The following DOK6 variants were observed in gnomAD, a reference collection of about 807,000 sequenced individuals.
DOK6 encodes downstream of tyrosine kinase 6.
Under a neutral mutation model 44.0 loss-of-function variants are expected in DOK6, and 22 were observed. That is an observed-to-expected ratio of 0.50 (90% CI 0.36 to 0.71). The LOEUF is 0.71. Ranked by LOEUF, DOK6 falls within the 30% of genes least tolerant of loss-of-function variation. The pLI is 0.00. For missense variants in DOK6, 340 were observed against 416.4 expected, an observed-to-expected ratio of 0.82 and a Z score of 1.60; for synonymous variants, 166 against 145.5, an observed-to-expected ratio of 1.14 and a Z score of -1.01.
chr18:69,710,055 T>G (rs1406156339), intron 5 of DOK6, among the ~76,000 whole-genome samples: 1 of 152,154 alleles, frequency 6.6e-6, no homozygotes, highest in Non-Finnish European at 1.5e-5. Context: ...GGTGTGCACC[T>G]TTAGTCCCAG....
At chr18:69,708,065 G>C (rs1297521154) in intron 5 of DOK6, among the ~76,000 whole-genome samples, 1 of 152,124 alleles carries the variant, frequency 6.6e-6, no homozygotes, top group Admixed American at 6.5e-5. Context: ...TGGGCAGAGA[G>C]TTTGTTAAAA....
In DOK6 at chr18:69,452,291, G is replaced by A. The variant is rs1434605371; in HGVS notation, c.66+50981G>A. Among the ~76,000 whole-genome samples, 3 of 150,958 alleles carry A rather than the reference G, an allele frequency of 2.0e-5. No homozygotes were observed. In the East Asian group the frequency reaches 5.9e-4, roughly 30 times the overall value. ...CAGAGAATACTACAAACACCTCTAC[G>A]CAAATAAACTAGAAAATCTAGAAGA... On this transcript the variant is annotated intron_variant, in intron 1 of 7. Transcript: ENST00000382713.
intron 3 of DOK6, among the ~76,000 whole-genome samples, chr18:69,674,101 T>G (rs1055439890): frequency 6.6e-6 from 1 of 151,970 alleles, no homozygotes; most frequent in Non-Finnish European, 1.5e-5. Context: ...AATTAAATAG[T>G]GATAGAAAAA....
At chr18:69,659,305 G>A (rs1344951814) in intron 3 of DOK6, among the ~76,000 whole-genome samples, 5 of 152,188 alleles carry the variant, frequency 3.3e-5, no homozygotes, top group African/African-American at 1.2e-4. Flanking sequence ...GCACGTCTAC[G>A]TGTGCCTCCA....
chr18:69,799,829 C>A (rs949583146), intron 7 of DOK6, among the ~76,000 whole-genome samples: 4 of 152,094 alleles, frequency 2.6e-5, no homozygotes, highest in Admixed American at 2.6e-4. Context: ...TCTCACACTT[C>A]AGTGTCTCCA....
chr18:69,622,602 TA>T (rs1468164147), intron 3 of DOK6, among the ~76,000 whole-genome samples: 1 of 152,200 alleles, frequency 6.6e-6, no homozygotes, highest in African/African-American at 2.4e-5. Context: ...TGACTTTGTT[TA>T]TAAATAGTGA....
rs865947511 is a variant in DOK6 at position 69,843,049 on chromosome 18, A to G, written c.*1666A>G. On this transcript the variant is annotated 3_prime_UTR_variant, in exon 8 of 8. Transcript: ENST00000382713. ...CATTTCAGTGAATTACTACCGAATA[A>G]AAGTGGTTCCGGATCCCTCCTAGAT... The G allele has an allele frequency of 2.6e-5, 4 of 152,154 alleles. No individual in the cohort carries two copies. Among genetic ancestry groups the G allele is most frequent in the African/African-American group, 7.2e-5 (3 of 41,432 alleles). 9.4% of individuals were successfully genotyped at this position (152,154 alleles called of 1,614,324 possible).
chr18:69,460,133 G>C (rs555487089), intron 1 of DOK6, among the ~76,000 whole-genome samples: 1 of 152,056 alleles, frequency 6.6e-6, no homozygotes, highest in Non-Finnish European at 1.5e-5. Flanking sequence ...CAATATATAA[G>C]GGATATAAGG....
chr18:69,552,914 TATG>T (rs1314224113), intron 1 of DOK6, among the ~76,000 whole-genome samples: 3 of 152,276 alleles, frequency 2.0e-5, no homozygotes, highest in African/African-American at 7.2e-5. Flanking sequence ...CGCACAGAGA[TATG>T]ATGTGCTAAT....
At chr18:69,728,129 C>T (rs752322348) in intron 5 of DOK6, among the ~76,000 whole-genome samples, 3 of 152,206 alleles carry the variant, frequency 2.0e-5, no homozygotes, top group Non-Finnish European at 4.4e-5. Flanking sequence ...TTTCTCACAC[C>T]CTGCTCTTTG....
At chr18:69,561,547 T>C (rs1332234795) in intron 1 of DOK6, among the ~76,000 whole-genome samples, 2 of 152,136 alleles carry the variant, frequency 1.3e-5, no homozygotes, top group African/African-American at 2.4e-5. Context: ...TACAACATTA[T>C]GTGTGAAATA....
At chr18:69,583,159 G>C (rs542877739) in intron 2 of DOK6, among the ~76,000 whole-genome samples, 1 of 152,132 alleles carries the variant, frequency 6.6e-6, no homozygotes, top group Non-Finnish European at 1.5e-5. Flanking sequence ...TTCATTCTAC[G>C]TATTCACCTG....
chr18:69,812,563 A>T (rs1300394847), intron 7 of DOK6, among the ~76,000 whole-genome samples: 1 of 152,084 alleles, frequency 6.6e-6, no homozygotes, highest in African/African-American at 2.4e-5. Context: ...CTACCTCTTG[A>T]GGGGATGCAC....
At chr18:69,797,927 C>T (rs1980795811) in intron 7 of DOK6, among the ~76,000 whole-genome samples, 1 of 152,048 alleles carries the variant, frequency 6.6e-6, no homozygotes, top group South Asian at 2.1e-4. Flanking sequence ...CCAGACTGTG[C>T]CCCAGGTGAA....
At chr18:69,651,283 A>G (rs777526559) in intron 3 of DOK6, among the ~76,000 whole-genome samples, 1 of 152,094 alleles carries the variant, frequency 6.6e-6, no homozygotes, top group Non-Finnish European at 1.5e-5. Flanking sequence ...CTTTTATCCC[A>G]TGCATAATCC....
intron 1 of DOK6, among the ~76,000 whole-genome samples, chr18:69,475,824 T>C (rs1220686966): frequency 6.6e-6 from 1 of 152,244 alleles, no homozygotes; most frequent in East Asian, 1.9e-4. Context: ...CCAGTTTTAC[T>C]AAACACATAT....
intron 1 of DOK6, among the ~76,000 whole-genome samples, chr18:69,436,520 TG>T (rs1317070397): frequency 2.2e-4 from 34 of 152,326 alleles, no homozygotes; most frequent in Non-Finnish European, 1.9e-4. Context: ...GAGTATTCCA[TG>T]GTGCATATGT....
chr18:69,489,299 G>A (rs1980670927), intron 1 of DOK6, among the ~76,000 whole-genome samples: 1 of 152,180 alleles, frequency 6.6e-6, no homozygotes, highest in African/African-American at 2.4e-5. Flanking sequence ...AGGTTCATCA[G>A]CTCTTTTTGT....
chr18:69,504,070 T>C (rs1470853713), intron 1 of DOK6, among the ~76,000 whole-genome samples: 1 of 152,072 alleles, frequency 6.6e-6, no homozygotes, highest in Non-Finnish European at 1.5e-5. Flanking sequence ...TAGGTTTCCA[T>C]GTCAAATATT....
Sources: gnomAD v4.1 joint callset for allele counts (sites outside exome capture counted in the v4.1 genomes callset) on GRCh38, gnomAD v4.1.1 for gene constraint, MANE v1.5 for transcripts, NCBI Gene and HGNC (gene_info 2026-07-23, HGNC 2026-07-21) for gene names.